The following ELMOD1 variants were observed in gnomAD, a reference collection of about 807,000 sequenced individuals.
ELMOD1 encodes ELMO domain containing 1, also known as ELMO domain-containing protein 1.
A neutral mutation model predicts 46.7 loss-of-function variants in ELMOD1; 21 were observed. The observed-to-expected ratio is 0.45, with a 90% confidence interval of 0.32 to 0.65. The LOEUF is 0.65. Among genes scored for constraint, ELMOD1 ranks in the 30% least tolerant of loss-of-function variants. The pLI is 0.04. For synonymous variants in ELMOD1, 122 were observed against 138.2 expected (o/e 0.88, Z 0.82); for missense variants, 348 against 407.8 (o/e 0.85, Z 1.26).
intron 4 of ELMOD1, 63 bp from the exon 5 acceptor site, chr11:107,631,517 A>G: frequency 1.0e-6 from 1 of 991,290 alleles, no homozygotes; most frequent in Non-Finnish European, 1.5e-6. Context: ...CCTCTATCCC[A>G]GTAGATACTG....
chr11:107,659,419 A>G (rs1177932664), intron 11 of ELMOD1, among the ~76,000 whole-genome samples: 1 of 152,112 alleles, frequency 6.6e-6, no homozygotes, highest in Non-Finnish European at 1.5e-5. Context: ...GGGCATTCTC[A>G]TAATGTAGGG....
intron 2 of ELMOD1, among the ~76,000 whole-genome samples, chr11:107,622,615 A>G (rs1020280659): frequency 1.3e-5 from 2 of 152,228 alleles, no homozygotes; most frequent in Non-Finnish European, 2.9e-5. Flanking sequence ...ATTGAGGCAA[A>G]TTCGGGCTAG....
At chr11:107,663,167 G>A (rs1415801217) in intron 11 of ELMOD1, among the ~76,000 whole-genome samples, 1 of 152,184 alleles carries the variant, frequency 6.6e-6, no homozygotes, top group Non-Finnish European at 1.5e-5. Context: ...GGCTTCTGGG[G>A]TGACTGATAC....
At chr11:107,603,853 G>A (rs1233034946) in intron 1 of ELMOD1, among the ~76,000 whole-genome samples, 2 of 151,474 alleles carry the variant, frequency 1.3e-5, no homozygotes, top group African/African-American at 4.9e-5. Flanking sequence ...ACTCCAGCCT[G>A]GGTGACAAAG....
chr11:107,665,078 A>T lies in ELMOD1; in HGVS notation c.886A>T (p.Ile296Leu). 1 of 1,614,002 alleles carries T rather than the reference A, an allele frequency of 6.2e-7. No individual in the cohort carries two copies. The highest frequency in any genetic ancestry group is 8.5e-7 in the Non-Finnish European group (1 of 1,179,864). Residue 296 changes from isoleucine (I) to leucine (L), a missense_variant, in exon 12 of 12, where the codon ATA becomes TTA. Ile to Leu is a conservative substitution (Grantham distance 5, BLOSUM62 2). Transcript: ENST00000265840. ...TTGGATCGAAGAGGACCCCATGGAC[A>T]TAATGGAATTTAATCGTGTGAGGGA... The part of the protein sequence containing the change: ...KFWIEEDPMD[I>L]MEFNRVREKF...
At chr11:107,660,541 C>G (rs1275394202) in intron 11 of ELMOD1, among the ~76,000 whole-genome samples, 1 of 152,118 alleles carries the variant, frequency 6.6e-6, no homozygotes, top group Non-Finnish European at 1.5e-5. Context: ...GGAACTATTC[C>G]ATAGGAATAA....
rs566296278 is a variant in ELMOD1, at chr11:107,649,476, G to A, written c.555-859G>A. On this transcript the variant is annotated intron_variant, in intron 7 of 11. Transcript: ENST00000265840. ...ATGTTCAGTATATTATTCTCTATAA[G>A]GTTATTTGTCTTTTTTATTTGAGGA... Among the ~76,000 whole-genome samples the A allele has an allele frequency of 2.0e-5, 3 of 152,218 alleles. No individual in the cohort carries two copies. In the East Asian group the frequency reaches 5.8e-4, roughly 29 times the overall value.
At position 107,666,191 on chromosome 11, in the gene ELMOD1, A is replaced by C. The variant is rs1258245958; in HGVS notation, c.*994A>C. Reference sequence around the variant, plus strand: ...ATTGTGTCATAGTCATCTGTATATCAAACTATTTTATTCCCATAACTTCAT... The same window carrying C: ...ATTGTGTCATAGTCATCTGTATATCCAACTATTTTATTCCCATAACTTCAT... On this transcript the variant is annotated 3_prime_UTR_variant, in exon 12 of 12. Coordinates refer to ENST00000265840, the MANE Select transcript of ELMOD1 (RefSeq NM_018712.4). 6.6e-6 allele frequency: 1 copy of C among 152,120 alleles called. No individual in the cohort carries two copies. The highest frequency in any genetic ancestry group is 1.5e-5 in the Non-Finnish European group (1 of 68,016). The allele number at this position is 152,120 out of a possible 1,614,324, so 9.4% of individuals were successfully genotyped here.
intron 2 of ELMOD1, among the ~76,000 whole-genome samples, chr11:107,621,583 G>T (rs1172604564): frequency 1.1e-5 from 1 of 91,872 alleles, no homozygotes; most frequent in Non-Finnish European, 2.9e-5. Context: ...TACAAAGGAG[G>T]ACAAGGAGGC....
At chr11:107,631,538 TG>T in intron 4 of ELMOD1, 41 bp from the exon 5 acceptor site, 1 of 1,283,136 alleles carries the variant, frequency 7.8e-7, no homozygotes, top group Non-Finnish European at 1.1e-6. Flanking sequence ...ATTAAGCCTC[TG>T]GTGTTAATGA....
chr11:107,628,395 G>T (rs1302877601), intron 2 of ELMOD1, among the ~76,000 whole-genome samples: 1 of 152,062 alleles, frequency 6.6e-6, no homozygotes, highest in East Asian at 1.9e-4. Context: ...TCGATCTCTT[G>T]ACCTCTTGAT....
At chr11:107,599,565 A>G (rs1865553135) in intron 1 of ELMOD1, among the ~76,000 whole-genome samples, 1 of 151,842 alleles carries the variant, frequency 6.6e-6, no homozygotes, top group Non-Finnish European at 1.5e-5. Context: ...AACATGGTGA[A>G]ACCTGATCTC....
At chr11:107,647,730 C>T (rs568756499) in intron 7 of ELMOD1, 129 bp downstream of exon 7, 11 of 883,128 alleles carry the variant, frequency 1.2e-5, no homozygotes, top group African/African-American at 5.2e-5. Flanking sequence ...TTCAAGTCCC[C>T]TGAGAGGTCA....
chr11:107,650,791 G>A (rs1866512600), intron 8 of ELMOD1, 94 bp from the exon 9 acceptor site: 2 of 862,644 alleles, frequency 2.3e-6, no homozygotes, highest in Non-Finnish European at 1.7e-6. Flanking sequence ...GAATTACTAA[G>A]GCTTTTTTTT....
chr11:107,646,522 T>G (rs967690078), intron 6 of ELMOD1, among the ~76,000 whole-genome samples: 7 of 151,830 alleles, frequency 4.6e-5, no homozygotes, highest in African/African-American at 1.7e-4. Flanking sequence ...ATCACTGGAG[T>G]TCAGGAGTTT....
chr11:107,659,254 C>T (rs1313354539), intron 11 of ELMOD1, among the ~76,000 whole-genome samples: 2 of 152,140 alleles, frequency 1.3e-5, no homozygotes, highest in African/African-American at 4.8e-5. Context: ...AGCCTCTTGC[C>T]GTGTTTCCCT....
chr11:107,651,430 A>T (rs896983381), intron 9 of ELMOD1, among the ~76,000 whole-genome samples: 1 of 152,154 alleles, frequency 6.6e-6, no homozygotes, highest in African/African-American at 2.4e-5. Context: ...TTGCTAAGTA[A>T]ATCCAAAATT....
At chr11:107,606,296 C>G (rs1465504921) in intron 1 of ELMOD1, among the ~76,000 whole-genome samples, 1 of 152,188 alleles carries the variant, frequency 6.6e-6, no homozygotes, top group East Asian at 1.9e-4. Context: ...AGACTGACCC[C>G]TTGTGTTTGT....
rs867009305 is a variant in ELMOD1, at chr11:107,604,251, G to A, written c.-86+12842G>A. On this transcript the variant is annotated intron_variant, in intron 1 of 11. Coordinates refer to ENST00000265840, the MANE Select transcript of ELMOD1 (RefSeq NM_018712.4). ...CTGGAGGGACTGTGATAGGGCAAGG[G>A]AACCAGGGCTCAGAGACTGTGGAGT... Among the ~76,000 whole-genome samples, 5 of 152,202 alleles carry A rather than the reference G, an allele frequency of 3.3e-5. No individual in the cohort carries two copies. In the South Asian group the frequency reaches 8.3e-4, roughly 25 times the overall value.
Sources: gnomAD v4.1 joint callset for allele counts (sites outside exome capture counted in the v4.1 genomes callset) on GRCh38, gnomAD v4.1.1 for gene constraint, MANE v1.5 for transcripts, NCBI Gene and HGNC (gene_info 2026-07-23, HGNC 2026-07-21) for gene names.